Variants in EVC observed in about 807,000 individuals in gnomAD.
EVC encodes the protein EvC ciliary complex subunit 1, also known as evC complex member EVC.
EVC carries 116 observed loss-of-function variants against 118.9 expected under a neutral mutation model. The ratio of observed to expected loss-of-function variants is 0.98; its 90% confidence interval spans 0.84 to 1.14. The LOEUF is 1.14. Ranked by LOEUF, EVC falls within the 50% of genes most tolerant of loss-of-function variation. The pLI is 0.00. For synonymous variants in EVC, 619 were observed against 534.7 expected (o/e 1.16, Z -2.18); for missense variants, 1,401 against 1,246.4 (o/e 1.12, Z -1.87).
intron 6 of EVC, among the ~76,000 whole-genome samples, chr4:5,744,971 T>G (rs1202331468): frequency 1.1e-5 from 1 of 94,512 alleles, no homozygotes; most frequent in Non-Finnish European, 2.2e-5. Context: ...TGGTCTAGTT[T>G]TTTTTTTTTT....
At chr4:5,786,586 C>G (rs763547282) in intron 12 of EVC, among the ~76,000 whole-genome samples, 1 of 152,098 alleles carries the variant, frequency 6.6e-6, no homozygotes, top group Non-Finnish European at 1.5e-5. Context: ...TAAATTAACA[C>G]ATGATAGCCG....
Position 5,754,041 on chromosome 4 carries a change from C to A in EVC, c.1464+108C>A. On this transcript the variant is annotated intron_variant, in intron 10 of 20. Coordinates refer to ENST00000264956, the MANE Select transcript of EVC (RefSeq NM_153717.3). This position sits in a 1 kb window ranked among gnomAD's most constrained non-coding sequence, Gnocchi z 5.8. Reference sequence around the variant, plus strand: ...TATTCATCAGGCATGAGGTTATCTGCCTACTTCCCATGTGTCAGCCGAGTG... The same window carrying A: ...TATTCATCAGGCATGAGGTTATCTGACTACTTCCCATGTGTCAGCCGAGTG... The A allele has an allele frequency of 7.0e-7, 1 of 1,421,294 alleles. No individual in the cohort carries two copies. Among genetic ancestry groups the A allele is most frequent in the Non-Finnish European group, 9.8e-7 (1 of 1,015,504 alleles). 88.0% of individuals were successfully genotyped at this position (1,421,294 alleles called of 1,614,324 possible). A position where few individuals can be genotyped will look rare whatever the true frequency, so the allele number is the denominator to read the frequency against.
At chr4:5,810,600 T>G in intron 20 of EVC, 150 bp downstream of exon 20, 2 of 721,916 alleles carry the variant, frequency 2.8e-6, no homozygotes, top group South Asian at 1.6e-5. Context: ...GAACGTAATT[T>G]GTGGGCAGTA....
intron 1 of EVC, among the ~76,000 whole-genome samples, chr4:5,712,314 G>A (rs78089356): frequency 0.02 from 3,017 of 152,266 alleles, 48 homozygotes; most frequent in East Asian, 0.054. Flanking sequence ...GCACAGAGAG[G>A]TTAAGCAACT....
rs1724602634 is a variant in EVC at position 5,719,590 on chromosome 4, CCT to C, written c.300+218_300+219del. ...GCATGCCCCTTAGAACAAATACCCCCCTGAGAATGTTTTCATCACCCAGCAAG... is the reference window on the plus strand; with the variant it reads ...GCATGCCCCTTAGAACAAATACCCCCGAGAATGTTTTCATCACCCAGCAAG... On this transcript the variant is annotated intron_variant, in intron 2 of 20. Coordinates refer to ENST00000264956, the MANE Select transcript of EVC (RefSeq NM_153717.3). The surrounding 1 kb of genome is among the most constrained non-coding windows in gnomAD (Gnocchi z 4.7). Among the ~76,000 whole-genome samples, 1 of 152,154 alleles carries C rather than the reference CCT, an allele frequency of 6.6e-6. No individual in the cohort carries two copies. Among genetic ancestry groups the C allele is most frequent in the Admixed American group, 6.5e-5 (1 of 15,276 alleles).
intron 1 of EVC, 81 bp downstream of exon 1, chr4:5,711,635 C>T (rs1723043693): frequency 9.5e-7 from 1 of 1,047,832 alleles, no homozygotes; most frequent in Non-Finnish European, 1.2e-6. Context: ...GGAGCCCCGG[C>T]TCTGCGACTC....
intron 11 of EVC, among the ~76,000 whole-genome samples, chr4:5,770,417 A>G (rs1409783335): frequency 6.6e-6 from 1 of 152,186 alleles, no homozygotes; most frequent in Non-Finnish European, 1.5e-5. Context: ...GTGACATACC[A>G]GGGGCCAAGG....
At chr4:5,734,855 C>T (rs1004187412) in intron 5 of EVC, among the ~76,000 whole-genome samples, 9 of 152,198 alleles carry the variant, frequency 5.9e-5, no homozygotes, top group Non-Finnish European at 5.9e-5. Context: ...GGCCACCAGG[C>T]AGCCTGTGTC....
chr4:5,782,711 A>G (rs766208418), intron 11 of EVC, among the ~76,000 whole-genome samples: 6 of 152,182 alleles, frequency 3.9e-5, no homozygotes, highest in Middle Eastern at 3.4e-3. Flanking sequence ...AGCCGGAGCC[A>G]TCTCTGAGCT....
Position 5,756,020 on chromosome 4 carries a change from C to T in EVC, c.1465-244C>T, listed in dbSNP as rs1009189726. ...TGACAGAAGTGGTCCAGTGGCCCCT[C>T]CTCATCCTGGCTTTAACAAAAGCGT... is the stretch of plus-strand genomic sequence containing the variant. On this transcript the variant is annotated intron_variant, in intron 10 of 20. Coordinates refer to ENST00000264956, the MANE Select transcript of EVC (RefSeq NM_153717.3). The surrounding 1 kb of genome is among the most constrained non-coding windows in gnomAD (Gnocchi z 4.2). 6.6e-6 allele frequency among the ~76,000 whole-genome samples: 1 copy of T among 152,146 alleles called. No individual in the cohort carries two copies. The highest frequency in any genetic ancestry group is 2.4e-5 in the African/African-American group (1 of 41,432).
intron 11 of EVC, among the ~76,000 whole-genome samples, chr4:5,760,638 C>T (rs1178243714): frequency 2.6e-5 from 4 of 152,090 alleles, no homozygotes; most frequent in East Asian, 1.9e-4. Flanking sequence ...CTGCAACCTC[C>T]GCCTCCTGGG....
chr4:5,722,541 A>T (rs923552262), intron 2 of EVC, among the ~76,000 whole-genome samples: 13 of 152,148 alleles, frequency 8.5e-5, no homozygotes, highest in Non-Finnish European at 1.5e-5. Context: ...GGTTCCTGCC[A>T]CGCCTTGGAT....
At chr4:5,795,696 G>A (rs1713818934) in intron 13 of EVC, among the ~76,000 whole-genome samples, 1 of 152,206 alleles carries the variant, frequency 6.6e-6, no homozygotes, top group Admixed American at 6.5e-5. Flanking sequence ...ACATAAGTAG[G>A]CTCGGACCAG....
At chr4:5,726,271 A>G (rs1449819936) in intron 2 of EVC, among the ~76,000 whole-genome samples, 1 of 152,260 alleles carries the variant, frequency 6.6e-6, no homozygotes, top group East Asian at 1.9e-4. Flanking sequence ...ATTGCCCAGT[A>G]GAGATTTCTC....
chr4:5,729,431 C>T lies in EVC; in HGVS notation c.384+41C>T, dbSNP rs113870218. ...TCCATCATAGAAAGCCAGTTACTTC[C>T]GTCATGTGCCAGAGATTGGGAGGAA... On this transcript the variant is annotated intron_variant, in intron 3 of 20. Transcript: ENST00000264956. The T allele has an allele frequency of 0.1, 158,365 of 1,566,498 alleles. 8,668 individuals carry two copies. The highest frequency in any genetic ancestry group is 0.14 in the Middle Eastern group (832 of 5,970).
chr4:5,741,739 G>T lies in EVC; in HGVS notation c.726G>T (p.Met242Ile). ...KHMMFIQIFK[M>I]CLLDLLPKKK... ...AGATGTTTATTCAGATTTTTAAAAT[G>T]TGCCTCCTTGACCTTCTTCCTAAAA... is the stretch of plus-strand genomic sequence containing the variant. The change falls in exon 6 of 21, where the codon ATG becomes ATT. Residue 242 changes from methionine to isoleucine, a missense_variant. By Grantham distance (10) the Met-to-Ile change is conservative. Transcript: ENST00000264956. 7 of 1,571,002 alleles carry T rather than the reference G, an allele frequency of 4.5e-6. No individual in the cohort carries two copies. The highest frequency in any genetic ancestry group is 6.1e-6 in the Non-Finnish European group (7 of 1,142,000).
chr4:5,816,809 C>G (rs979785133), downstream of EVC, among the ~76,000 whole-genome samples: 1 of 152,018 alleles, frequency 6.6e-6, no homozygotes, highest in African/African-American at 2.4e-5. Context: ...GATATGTCCC[C>G]CAGTACACAT....
chr4:5,808,284 G>T lies in EVC; in HGVS notation c.2645G>T (p.Gly882Val). The part of the protein sequence containing the change: ...MRLHAQQQQA[G>V]VMDLLEAQLE... ...CTGCACGCCCAGCAGCAGCAGGCAG[G>T]AGTCATGGACCTTCTGGAAGCCCAG... Residue 882 changes from glycine (G) to valine (V), a missense_variant, in exon 18 of 21, where the codon GGA (glycine) becomes GTA (valine). Transcript: ENST00000264956. 1 of 1,614,196 alleles carries T rather than the reference G, an allele frequency of 6.2e-7. No individual in the cohort carries two copies. The highest frequency in any genetic ancestry group is 2.2e-5 in the East Asian group (1 of 44,892).
At chr4:5,814,351 G>GT (rs974028697), downstream of EVC, 1 of 152,230 alleles carries the variant, frequency 6.6e-6, no homozygotes, top group African/African-American at 2.4e-5. Flanking sequence ...AGCCAGCACG[G>GT]TTTTTTGTAC....
Sources: gnomAD v4.1 joint callset for allele counts (sites outside exome capture counted in the v4.1 genomes callset) on GRCh38, gnomAD v4.1.1 for gene constraint, Gnocchi (gnomAD v3.1) non-coding constraint, MANE v1.5 for transcripts, NCBI Gene and HGNC (gene_info 2026-07-23, HGNC 2026-07-21) for gene names.